Variants in FYB1 observed in about 807,000 individuals in gnomAD.
The protein encoded by FYB1 is FYN-binding protein 1.
FYB1 carries 41 observed loss-of-function variants against 94.1 expected under a neutral mutation model. The ratio of observed to expected loss-of-function variants is 0.44; its 90% CI spans 0.34 to 0.57. The LOEUF (loss-of-function observed/expected upper bound fraction) is 0.57. Ranked by LOEUF, FYB1 falls within the 20% of genes least tolerant of loss-of-function variation. FYB1 has a pLI of 0.02. For synonymous variants in FYB1, 367 were observed against 353.2 expected (o/e 1.04, Z -0.44); for missense variants, 1,050 against 976.8 (o/e 1.07, Z -1.00).
chr5:39,258,453 A>T (rs1177145672), intron 1 of FYB1, among the ~76,000 whole-genome samples: 1 of 152,064 alleles, frequency 6.6e-6, no homozygotes, highest in East Asian at 1.9e-4. Context: ...TACAAAAATT[A>T]TGTGGGTGTG....
chr5:39,252,105 A>G (rs1398852924), intron 1 of FYB1, among the ~76,000 whole-genome samples: 1 of 152,206 alleles, frequency 6.6e-6, no homozygotes, highest in Non-Finnish European at 1.5e-5. Flanking sequence ...AGATCGCGCC[A>G]CTGGACTCCA....
chr5:39,217,175 T>G (rs919260772), intron 1 of FYB1, among the ~76,000 whole-genome samples: 1 of 152,196 alleles, frequency 6.6e-6, no homozygotes, highest in Admixed American at 6.5e-5. Flanking sequence ...ACCTGGGACA[T>G]GCTTGGCCCT....
chr5:39,107,864 A>C (rs760138034), intron 18 of FYB1, among the ~76,000 whole-genome samples: 8 of 152,092 alleles, frequency 5.3e-5, no homozygotes, highest in Non-Finnish European at 1.2e-4. Context: ...GTTTGGAACT[A>C]TATGATGCTT....
At chr5:39,222,152 C>G (rs1197683422), upstream of FYB1, among the ~76,000 whole-genome samples, 4 of 152,196 alleles carry the variant, frequency 2.6e-5, no homozygotes, top group Non-Finnish European at 5.9e-5. Flanking sequence ...TGCTCCAAAA[C>G]CCAGTGTAGA....
chr5:39,184,080 A>C (rs1034201777), intron 2 of FYB1, among the ~76,000 whole-genome samples: 3 of 152,210 alleles, frequency 2.0e-5, no homozygotes, highest in African/African-American at 7.2e-5. Context: ...ATTTAGAAGA[A>C]AAGGCAATTT....
At chr5:39,145,056 G>A (rs947463791) in intron 3 of FYB1, among the ~76,000 whole-genome samples, 1 of 152,100 alleles carries the variant, frequency 6.6e-6, no homozygotes, top group African/African-American at 2.4e-5. Context: ...AAGTGGGTGA[G>A]GGTATAGATA....
At chr5:39,197,396 A>T (rs974043306) in intron 2 of FYB1, among the ~76,000 whole-genome samples, 8 of 152,226 alleles carry the variant, frequency 5.3e-5, no homozygotes, top group Non-Finnish European at 1.2e-4. Context: ...ATGAAAATTC[A>T]TGCCTAGTCA....
At chr5:39,126,285 GT>G (rs1740662005) in intron 11 of FYB1, 150 bp from the exon 12 acceptor site, 1 of 825,378 alleles carries the variant, frequency 1.2e-6, no homozygotes, top group Non-Finnish European at 1.8e-6. Context: ...ACAAAATAGT[GT>G]TATTAAATTT....
chr5:39,113,782 A>G (rs1252190699), intron 16 of FYB1, among the ~76,000 whole-genome samples: 1 of 152,126 alleles, frequency 6.6e-6, no homozygotes, highest in African/African-American at 2.4e-5. Context: ...AAACAAGAAA[A>G]TCATATTGCA....
chr5:39,190,546 C>T (rs1747264103), intron 2 of FYB1, among the ~76,000 whole-genome samples: 1 of 152,054 alleles, frequency 6.6e-6, no homozygotes, highest in Non-Finnish European at 1.5e-5. Flanking sequence ...CTAATTTCTC[C>T]CCATGAGGAC....
At chr5:39,175,963 C>T (rs1373797277) in intron 2 of FYB1, among the ~76,000 whole-genome samples, 1 of 151,920 alleles carries the variant, frequency 6.6e-6, no homozygotes, top group East Asian at 1.9e-4. Context: ...TATGGAATCA[C>T]TCATTTTATA....
chr5:39,157,391 A>C (rs1445644812), intron 2 of FYB1, among the ~76,000 whole-genome samples: 1 of 152,168 alleles, frequency 6.6e-6, no homozygotes, highest in East Asian at 1.9e-4. Flanking sequence ...AGAGACTGTA[A>C]GGCTCACATA....
intron 2 of FYB1, among the ~76,000 whole-genome samples, chr5:39,155,820 C>T (rs1221307790): frequency 1.3e-5 from 2 of 152,170 alleles, no homozygotes; most frequent in East Asian, 1.9e-4. Context: ...ACGTTCTGCA[C>T]CATTTGTCTG....
rs1739886346 is a variant in FYB1 at position 39,119,543 on chromosome 5, T to G, written c.2230A>C (p.Lys744Gln). 1.3e-6 allele frequency: 2 copies of G among 1,537,522 alleles called. No homozygotes were observed. Among genetic ancestry groups the G allele is most frequent in the Admixed American group, 2.1e-5 (1 of 48,548 alleles). The change falls in exon 15 of 19, where the codon AAA becomes CAA. Residue 744 changes from lysine (K) to glutamine (Q), a missense_variant. Lys to Gln is a moderately conservative substitution (Grantham distance 53). Transcript: ENST00000512982. ...QEKEEKDFRK[K>Q]FKYDGEIRVL... The stretch of plus-strand genomic sequence containing the variant: ...ATTTAGATATGACATACTTTAAATT[T>G]TTTCCTGAAGTCTTTTTCTTCTTTT...
At chr5:39,234,954 C>T (rs1478967779) in intron 1 of FYB1, among the ~76,000 whole-genome samples, 1 of 151,778 alleles carries the variant, frequency 6.6e-6, no homozygotes, top group Non-Finnish European at 1.5e-5. Flanking sequence ...GGCTTAAAAC[C>T]TAGATGATGG....
chr5:39,140,931 G>T (rs1014416975), intron 4 of FYB1, among the ~76,000 whole-genome samples, 164 bp downstream of exon 4: 2 of 152,158 alleles, frequency 1.3e-5, no homozygotes, highest in Admixed American at 6.5e-5. Flanking sequence ...GAGGAGAAAG[G>T]AAGTGAGTCA....
chr5:39,169,678 C>T (rs1745072529), intron 2 of FYB1: 1 of 439,866 alleles, frequency 2.3e-6, no homozygotes. Flanking sequence ...AACTCTGTCT[C>T]TATTGAAAGT....
At chr5:39,245,896 G>T (rs1228691846) in intron 1 of FYB1, among the ~76,000 whole-genome samples, 2 of 152,182 alleles carry the variant, frequency 1.3e-5, no homozygotes, top group African/African-American at 4.8e-5. Context: ...CACTGCGTCT[G>T]GCCTGGAACA....
intron 3 of FYB1, among the ~76,000 whole-genome samples, chr5:39,151,916 T>G (rs1743285397): frequency 1.3e-5 from 2 of 152,222 alleles, no homozygotes; most frequent in East Asian, 1.9e-4. Context: ...TGCCCCTTCA[T>G]GTGAAATATA....
Sources: allele counts gnomAD v4.1 joint callset (sites outside exome capture counted in the v4.1 genomes callset), GRCh38; gene constraint gnomAD v4.1.1; transcripts MANE v1.5; gene names NCBI Gene and HGNC (gene_info 2026-07-23, HGNC 2026-07-21).